The following SEZ6L variants were observed in gnomAD, a reference collection of about 807,000 sequenced individuals.
SEZ6L encodes seizure related 6 homolog like.
SEZ6L carries 37 observed loss-of-function variants against 106.2 expected under a neutral mutation model. That is an observed-to-expected ratio of 0.35 (90% CI 0.27 to 0.46). The LOEUF (loss-of-function observed/expected upper bound fraction) is 0.46, where lower values mean the gene tolerates loss of function less well. Ranked by LOEUF, SEZ6L falls within the 20% of genes least tolerant of loss-of-function variation. The probability of loss-of-function intolerance (pLI) is 1.00; values close to 1 mark genes in which losing one functional copy is unlikely to be tolerated. For synonymous variants in SEZ6L, 541 were observed against 570.4 expected (o/e 0.95, Z 0.73); for missense variants, 1,172 against 1,332.8 (o/e 0.88, Z 1.88).
intron 1 of SEZ6L, among the ~76,000 whole-genome samples, chr22:26,207,777 G>A (rs554758140): frequency 2.6e-5 from 4 of 152,142 alleles, no homozygotes; most frequent in South Asian, 4.1e-4. Context: ...ATGAAATTTA[G>A]AAACCTTGCA....
At chr22:26,372,204 A>G (rs2084059573) in intron 13 of SEZ6L, among the ~76,000 whole-genome samples, 1 of 152,192 alleles carries the variant, frequency 6.6e-6, no homozygotes, top group South Asian at 2.1e-4. Context: ...GCAGAGGTCC[A>G]CCGCTGAGAA....
At chr22:26,238,872 A>G (rs1296767602) in intron 1 of SEZ6L, among the ~76,000 whole-genome samples, 1 of 152,180 alleles carries the variant, frequency 6.6e-6, no homozygotes, top group Non-Finnish European at 1.5e-5. Flanking sequence ...TCGAATAACT[A>G]GAACAACATG....
At chr22:26,264,939 A>G (rs2080128125) in intron 1 of SEZ6L, among the ~76,000 whole-genome samples, 1 of 152,196 alleles carries the variant, frequency 6.6e-6, no homozygotes, top group East Asian at 1.9e-4. Flanking sequence ...TCTTCTTCCA[A>G]GAAAAGCAAC....
At chr22:26,364,110 C>T (rs2083727012) in intron 12 of SEZ6L, among the ~76,000 whole-genome samples, 1 of 152,150 alleles carries the variant, frequency 6.6e-6, no homozygotes, top group Non-Finnish European at 1.5e-5. Flanking sequence ...CTGGACTGTA[C>T]ACTTAAAATG....
At chr22:26,377,440 G>T (rs1405161341) in intron 15 of SEZ6L, among the ~76,000 whole-genome samples, 2 of 152,132 alleles carry the variant, frequency 1.3e-5, no homozygotes, top group Non-Finnish European at 2.9e-5. Flanking sequence ...TCCCTAGTAA[G>T]GAGAGATCAC....
At chr22:26,301,579 G>A (rs1601432200) in intron 5 of SEZ6L, among the ~76,000 whole-genome samples, 1 of 152,218 alleles carries the variant, frequency 6.6e-6, no homozygotes, top group Non-Finnish European at 1.5e-5. Flanking sequence ...ATTGTGAGAG[G>A]CGTTGCAATG....
chr22:26,242,315 G>A (rs1480976884), intron 1 of SEZ6L, among the ~76,000 whole-genome samples: 4 of 152,262 alleles, frequency 2.6e-5, no homozygotes, highest in African/African-American at 9.6e-5. Flanking sequence ...CATGGGGCCA[G>A]GCTCATTCTG....
At position 26,340,505 on chromosome 22, in the gene SEZ6L, G is replaced by A; in HGVS notation, c.2085G>A (p.Gly695=). The A allele has an allele frequency of 6.2e-7, 1 of 1,614,078 alleles. No individual in the cohort carries two copies. Among genetic ancestry groups the A allele is most frequent in the South Asian group, 1.1e-5 (1 of 91,052 alleles). The change falls in exon 10 of 17, where the codon GGG becomes GGA. Residue 695 remains glycine (G), a synonymous_variant. Coordinates refer to ENST00000248933, the MANE Select transcript of SEZ6L (RefSeq NM_021115.5). The stretch of plus-strand genomic sequence containing the variant: ...ACGAGGTCATGCCCCACATCTTGGG[G>A]CAGTACCTTGGGAACAGTGGCCCCC... The part of the protein sequence containing the change: ...DGDEVMPHIL[G]QYLGNSGPQK...
At chr22:26,208,076 ATTT>A (rs531181975) in intron 1 of SEZ6L, among the ~76,000 whole-genome samples, 4 of 145,180 alleles carry the variant, frequency 2.8e-5, no homozygotes, top group Admixed American at 6.9e-5. Flanking sequence ...TGCCCAGCTA[ATTT>A]TTTTTTTTTG....
intron 1 of SEZ6L, among the ~76,000 whole-genome samples, chr22:26,290,592 A>G (rs967749859): frequency 2.0e-5 from 3 of 152,234 alleles, no homozygotes; most frequent in African/African-American, 7.2e-5. Context: ...TCCAGACAAA[A>G]ATAAATCGCA....
In SEZ6L at chr22:26,244,163, A is replaced by AAAAGAAAG. The variant is rs147675419; in HGVS notation, c.95-48227_95-48220dup. 8.4e-3 allele frequency among the ~76,000 whole-genome samples: 1,257 copies of AAAAGAAAG among 149,624 alleles called. 22 individuals carry two copies. Among genetic ancestry groups the AAAAGAAAG allele is most frequent in the African/African-American group, 0.029 (1,174 of 40,690 alleles). On this transcript the variant is annotated intron_variant, in intron 1 of 16. Transcript: ENST00000248933. ...GGGTGACAAAGTGAGACCCTATCTCAAAAGAAAGAAAGAAAGAAAGAAAAG... is the reference window on the plus strand; with the variant it reads ...GGGTGACAAAGTGAGACCCTATCTCAAAAGAAAGAAAGAAAGAAAGAAAGAAAGAAAAG...
intron 1 of SEZ6L, among the ~76,000 whole-genome samples, chr22:26,252,298 G>C (rs2079623971): frequency 6.6e-6 from 1 of 152,078 alleles, no homozygotes; most frequent in African/African-American, 2.4e-5. Flanking sequence ...ACTTATTTTT[G>C]GTTATCTATC....
At chr22:26,340,933 G>A (rs2082812547) in intron 10 of SEZ6L, among the ~76,000 whole-genome samples, 1 of 152,200 alleles carries the variant, frequency 6.6e-6, no homozygotes, top group Non-Finnish European at 1.5e-5. Flanking sequence ...ATATCAGGAT[G>A]TAGTAGACAA....
In SEZ6L at chr22:26,371,421, A is replaced by C. The variant is rs1217852871; in HGVS notation, c.2795-2030A>C. 3.9e-5 allele frequency among the ~76,000 whole-genome samples: 6 copies of C among 152,086 alleles called. No individual in the cohort carries two copies. In the East Asian group the frequency reaches 1.2e-3, roughly 29 times the overall value. On this transcript the variant is annotated intron_variant, in intron 13 of 16. Coordinates refer to ENST00000248933, the MANE Select transcript of SEZ6L (RefSeq NM_021115.5). ...CTCCTCGCCAGCACTGTATGTTTTC[A>C]ATTTTTTTTTAATGCTGCCAAACTG... is the stretch of plus-strand genomic sequence containing the variant.
chr22:26,218,706 G>A (rs969975720), intron 1 of SEZ6L, among the ~76,000 whole-genome samples: 16 of 152,334 alleles, frequency 1.1e-4, no homozygotes, highest in African/African-American at 3.8e-4. Context: ...GGAGGCCAAG[G>A]CAGGTGGATC....
At chr22:26,201,828 G>C (rs1940979046) in intron 1 of SEZ6L, among the ~76,000 whole-genome samples, 1 of 152,126 alleles carries the variant, frequency 6.6e-6, no homozygotes. Context: ...CAGAGTAGGA[G>C]ACCAATACAT....
At chr22:26,310,578 C>A (rs2081790159) in intron 6 of SEZ6L, 92 bp from the exon 7 acceptor site, 2 of 1,383,266 alleles carry the variant, frequency 1.4e-6, no homozygotes, top group African/African-American at 1.4e-5. Context: ...GGTAATGAGG[C>A]TCCAGAGGCA....
chr22:26,217,680 A>T (rs954470381), intron 1 of SEZ6L, among the ~76,000 whole-genome samples: 3 of 152,244 alleles, frequency 2.0e-5, no homozygotes, highest in Non-Finnish European at 2.9e-5. Context: ...TCCAATCTGT[A>T]AAATGGATGA....
In SEZ6L at chr22:26,380,233, C is replaced by G. The variant is rs1043565854; in HGVS notation, c.3046-33C>G. The G allele has an allele frequency of 2.5e-6, 4 of 1,610,756 alleles. No individual in the cohort carries two copies. In the South Asian group the frequency reaches 4.4e-5, roughly 18 times the overall value. ...TATGTATATCACTCTACCACACAAG[C>G]GTTTGACAAATCCGTGCTTCTCTCT... On this transcript the variant is annotated intron_variant, in intron 16 of 16. Coordinates refer to ENST00000248933, the MANE Select transcript of SEZ6L (RefSeq NM_021115.5).
Sources: gnomAD v4.1 joint callset for allele counts (sites outside exome capture counted in the v4.1 genomes callset) on GRCh38, gnomAD v4.1.1 for gene constraint, MANE v1.5 for transcripts, NCBI Gene and HGNC (gene_info 2026-07-23, HGNC 2026-07-21) for gene names.